Variants in DYNC2H1 observed in about 807,000 individuals in gnomAD.
DYNC2H1 encodes the protein dynein cytoplasmic 2 heavy chain 1, also known as cytoplasmic dynein 2 heavy chain 1.
Under a neutral mutation model 570.0 loss-of-function variants are expected in DYNC2H1, and 410 were observed. The observed-to-expected ratio is 0.72, with a 90% CI of 0.66 to 0.78. The LOEUF (loss-of-function observed/expected upper bound fraction) is 0.78, where lower values mean the gene tolerates loss of function less well. Among genes scored for constraint, DYNC2H1 ranks in the 30% least tolerant of loss-of-function variants. The pLI is 0.00. For missense variants in DYNC2H1, 4,865 were observed against 5,046.4 expected (o/e 0.96, Z 1.09); for synonymous variants, 1,688 against 1,677.6 (o/e 1.01, Z -0.15).
intron 83 of DYNC2H1, 89 bp from the exon 84 acceptor site, chr11:103,399,574 G>A: frequency 1.1e-6 from 1 of 906,562 alleles, no homozygotes; most frequent in Non-Finnish European, 1.6e-6. Flanking sequence ...AAACAGAATA[G>A]AACAAAAGGT....
At chr11:103,321,753 G>A (rs1938213944) in intron 81 of DYNC2H1, among the ~76,000 whole-genome samples, 1 of 152,028 alleles carries the variant, frequency 6.6e-6, no homozygotes. Context: ...GCCGTCACAT[G>A]AAAGCCTCCT....
chr11:103,202,895 A>C (rs1403098731), intron 50 of DYNC2H1, among the ~76,000 whole-genome samples: 1 of 152,152 alleles, frequency 6.6e-6, no homozygotes, highest in Non-Finnish European at 1.5e-5. Context: ...TTTAAGACTA[A>C]AGTTGTAGTC....
chr11:103,275,390 T>C lies in DYNC2H1; in HGVS notation c.10696-4958T>C, dbSNP rs1314073151. ...TCATAGTTTACATTAAAGTTCACTC[T>C]TGGTATTGTACCTTATATGGATTTT... On this transcript the variant is annotated intron_variant, in intron 70 of 88. Coordinates refer to ENST00000375735, the MANE Select transcript of DYNC2H1 (RefSeq NM_001377.3). This position sits in a 1 kb window ranked among gnomAD's most constrained non-coding sequence, Gnocchi z 4.8. Among the ~76,000 whole-genome samples the C allele has an allele frequency of 2.0e-5, 3 of 152,208 alleles. No homozygotes were observed. The highest frequency in any genetic ancestry group is 7.2e-5 in the African/African-American group (3 of 41,450).
rs1862029994 is a variant in DYNC2H1, at chr11:103,185,551, A to G, written c.6633+500A>G. On this transcript the variant is annotated intron_variant, in intron 41 of 88. Coordinates refer to ENST00000375735, the MANE Select transcript of DYNC2H1 (RefSeq NM_001377.3). The surrounding 1 kb of genome is among the most constrained non-coding windows in gnomAD (Gnocchi z 4.5). ...TTTTTTTTCCAATTGACCTCTACTG[A>G]AATTATTGGACATTTATTCCTTTGG... Among the ~76,000 whole-genome samples the G allele has an allele frequency of 6.6e-6, 1 of 151,288 alleles. No individual in the cohort carries two copies. Among genetic ancestry groups the G allele is most frequent in the Admixed American group, 6.6e-5 (1 of 15,082 alleles).
chr11:103,162,120 A>G (rs974972927), intron 29 of DYNC2H1, among the ~76,000 whole-genome samples: 1 of 152,160 alleles, frequency 6.6e-6, no homozygotes, highest in African/African-American at 2.4e-5. Context: ...AATTTTAGCA[A>G]CTGGGCTAGA....
In DYNC2H1 at chr11:103,253,313, C is replaced by T. The variant is rs1324779672; in HGVS notation, c.10071C>T (p.Asp3357=). The T allele has an allele frequency of 1.1e-5, 18 of 1,612,828 alleles. No individual in the cohort carries two copies. Among genetic ancestry groups the T allele is most frequent in the Non-Finnish European group, 1.2e-5 (14 of 1,179,308 alleles). The change falls in exon 66 of 89, where the codon GAC becomes GAT. Residue 3357 remains aspartate (D), a synonymous_variant. Transcript: ENST00000375735. The stretch of plus-strand genomic sequence containing the variant: ...CACGTTATGTGGTACAAATAGGTGA[C>T]AAAATTATTGACTACAATGAAGAAT... ...QGPRYVVQIG[D]KIIDYNEEFR... is the part of the protein sequence containing the mutation.
At chr11:103,141,571 C>G (rs138316619) in intron 17 of DYNC2H1, among the ~76,000 whole-genome samples, 2 of 152,170 alleles carry the variant, frequency 1.3e-5, no homozygotes, top group African/African-American at 4.8e-5. Context: ...GAAGTTTTGT[C>G]TCAGAGGAGT....
Position 103,204,916 on chromosome 11 carries a change from A to G in DYNC2H1, c.8406A>G (p.Lys2802=). The change falls in exon 52 of 89, where the codon AAA becomes AAG. Residue 2802 remains lysine, a synonymous_variant. Transcript: ENST00000375735. This position sits in a 1 kb window ranked among gnomAD's most constrained non-coding sequence, Gnocchi z 4.1. ...AGAGTAATCCAGCTTTGCATAAGAA[A>G]TGCCAGGTGTTGTGGATGGAGGGTT... is the stretch of plus-strand genomic sequence containing the variant. ...NCESNPALHK[K]CQVLWMEGWS... is the part of the protein sequence containing the mutation. 6.3e-7 allele frequency: 1 copy of G among 1,594,492 alleles called. No individual in the cohort carries two copies. The highest frequency in any genetic ancestry group is 8.6e-7 in the Non-Finnish European group (1 of 1,169,208).
chr11:103,171,109 G>GT, intron 34 of DYNC2H1, 41 bp downstream of exon 34: 1 of 1,486,918 alleles, frequency 6.7e-7, no homozygotes, highest in South Asian at 1.4e-5. Context: ...AAAATATTTT[G>GT]TAAGACTTGA....
At position 103,129,037 on chromosome 11, in the gene DYNC2H1, A is replaced by G; in HGVS notation, c.1953+32A>G. 6.6e-7 allele frequency: 1 copy of G among 1,525,812 alleles called. No homozygotes were observed. The highest frequency in any genetic ancestry group is 9.0e-7 in the Non-Finnish European group (1 of 1,114,860). The allele number at this position is 1,525,812 out of a possible 1,614,324, so 94.5% of individuals were successfully genotyped here. ...GGGCTTTTAATTTTATTATAATTAG[A>G]TTTTACATGTGAAGTGTTTAATTCT... is the stretch of plus-strand genomic sequence containing the variant. On this transcript the variant is annotated intron_variant, in intron 13 of 88. Transcript: ENST00000375735. The surrounding 1 kb of genome is among the most constrained non-coding windows in gnomAD (Gnocchi z 4.1).
At chr11:103,371,455 T>C (rs1321750348) in intron 83 of DYNC2H1, among the ~76,000 whole-genome samples, 1 of 152,116 alleles carries the variant, frequency 6.6e-6, no homozygotes, top group African/African-American at 2.4e-5. Flanking sequence ...ACAAGAAGGT[T>C]GTAGAATACC....
At chr11:103,298,815 A>G (rs368441292) in intron 75 of DYNC2H1, among the ~76,000 whole-genome samples, 3 of 152,276 alleles carry the variant, frequency 2.0e-5, no homozygotes, top group Admixed American at 6.5e-5. Flanking sequence ...GCAATTTTTT[A>G]TAATCTGTAA....
In DYNC2H1 at chr11:103,144,493, G is replaced by C. The variant is rs894785830; in HGVS notation, c.2702+1098G>C. 4.6e-5 allele frequency among the ~76,000 whole-genome samples: 7 copies of C among 152,272 alleles called. No homozygotes were observed. In the East Asian group the frequency reaches 1.4e-3, roughly 29 times the overall value. ...AATCTTTGTTAGGATAGTAACACTG[G>C]AACTAGGATTTTGACAGGTGCAAAT... On this transcript the variant is annotated intron_variant, in intron 18 of 88. Transcript: ENST00000375735.
In DYNC2H1 at chr11:103,204,946, C is replaced by T. The variant is rs781417456; in HGVS notation, c.8436C>T (p.Ser2812=). 11 of 1,584,860 alleles carry T rather than the reference C, an allele frequency of 6.9e-6. No homozygotes were observed. The highest frequency in any genetic ancestry group is 1.2e-5 in the South Asian group (1 of 86,586). ...AGGTGTTGTGGATGGAGGGTTGGTC[C>T]AATAGCAGTATGAAGAAAGTAAGTT... ...KCQVLWMEGW[S]NSSMKKIPEM... is the part of the protein sequence containing the mutation. The change falls in exon 52 of 89, where the codon TCC becomes TCT. Residue 2812 remains serine (S), a synonymous_variant. Transcript: ENST00000375735. This position sits in a 1 kb window ranked among gnomAD's most constrained non-coding sequence, Gnocchi z 4.1.
chr11:103,356,775 A>G (rs1179720753), intron 82 of DYNC2H1, among the ~76,000 whole-genome samples: 1 of 152,228 alleles, frequency 6.6e-6, no homozygotes, highest in African/African-American at 2.4e-5. Flanking sequence ...GTTTAACAGC[A>G]TGATTATTGA....
At chr11:103,124,210 C>T (rs1453784637) in intron 11 of DYNC2H1, among the ~76,000 whole-genome samples, 1 of 151,728 alleles carries the variant, frequency 6.6e-6, no homozygotes, top group Non-Finnish European at 1.5e-5. Context: ...TTTGGGAGGC[C>T]AAGGTGGGAG....
intron 76 of DYNC2H1, 123 bp from the exon 77 acceptor site, chr11:103,304,472 C>T: frequency 9.2e-7 from 1 of 1,088,584 alleles, no homozygotes; most frequent in Non-Finnish European, 1.2e-6. Context: ...ATTCTTCTTC[C>T]AAATTTATTA....
chr11:103,198,098 G>GTCTTTTAAAAATATTTATT, intron 48 of DYNC2H1, 35 bp downstream of exon 48: 1 of 1,537,444 alleles, frequency 6.5e-7, no homozygotes, highest in South Asian at 1.2e-5. Flanking sequence ...ACTGGGATTT[G>GTCTTTTAAAAATATTTATT]GTCATTATAG....
At chr11:103,382,943 C>A (rs886326276) in intron 83 of DYNC2H1, among the ~76,000 whole-genome samples, 6 of 152,186 alleles carry the variant, frequency 3.9e-5, no homozygotes, top group Non-Finnish European at 5.9e-5. Flanking sequence ...AGTGGAATAA[C>A]TGAGATATTT....
Sources: gnomAD v4.1 joint callset for allele counts (sites outside exome capture counted in the v4.1 genomes callset) on GRCh38, gnomAD v4.1.1 for gene constraint, Gnocchi (gnomAD v3.1) non-coding constraint, MANE v1.5 for transcripts, NCBI Gene and HGNC (gene_info 2026-07-23, HGNC 2026-07-21) for gene names.